Variants in TEAD4 observed in about 807,000 individuals in gnomAD.
The protein encoded by TEAD4 is TEA domain transcription factor 4.
A neutral mutation model predicts 52.4 loss-of-function variants in TEAD4; 36 were observed. That is an observed-to-expected ratio of 0.69 (90% CI 0.53 to 0.91). The LOEUF is 0.91. TEAD4 is among the 40% of genes least tolerant of loss of function. The pLI is 0.00. For synonymous variants in TEAD4, 220 were observed against 231.0 expected (o/e 0.95, Z 0.43); for missense variants, 508 against 583.9 (o/e 0.87, Z 1.34).
chr12:3,011,124 C>A, intron 4 of TEAD4, 56 bp downstream of exon 4: 1 of 1,598,382 alleles, frequency 6.3e-7, no homozygotes, highest in Non-Finnish European at 8.6e-7. Context: ...CACCAGTCTG[C>A]TCCCAAGGTG....
intron 6 of TEAD4, 25 bp downstream of exon 6, chr12:3,017,551 G>T: frequency 6.2e-7 from 1 of 1,602,946 alleles, no homozygotes. Flanking sequence ...GAGAGCTGGA[G>T]GCCAGGCCAG....
intron 10 of TEAD4, among the ~76,000 whole-genome samples, chr12:3,024,199 C>T (rs186249470): frequency 6.9e-4 from 105 of 152,054 alleles, no homozygotes; most frequent in African/African-American, 2.0e-3. Flanking sequence ...CTCAGCCTCC[C>T]GAGTAGCTGG....
chr12:2,987,650 C>T (rs2098239686), intron 2 of TEAD4, among the ~76,000 whole-genome samples: 1 of 151,334 alleles, frequency 6.6e-6, no homozygotes, highest in Non-Finnish European at 1.5e-5. Flanking sequence ...TCTCGATCTC[C>T]TGACCTCGTG....
At chr12:3,032,999 G>C (rs2098276735) in intron 10 of TEAD4, among the ~76,000 whole-genome samples, 1 of 152,206 alleles carries the variant, frequency 6.6e-6, no homozygotes, top group Non-Finnish European at 1.5e-5. Context: ...GTGTGAACTT[G>C]GCCACACACA....
intron 8 of TEAD4, 92 bp downstream of exon 8, chr12:3,019,262 C>G (rs2098266903): frequency 7.0e-7 from 1 of 1,419,422 alleles, no homozygotes; most frequent in Non-Finnish European, 9.8e-7. Flanking sequence ...CCTGCGTGTC[C>G]CTGTTAGATG....
intron 2 of TEAD4, among the ~76,000 whole-genome samples, chr12:2,974,759 G>T (rs74057728): frequency 7.4e-4 from 112 of 152,248 alleles, no homozygotes; most frequent in African/African-American, 2.5e-3. Context: ...TGCCCGTGCT[G>T]CTTGGACACC....
At chr12:3,038,560 C>T (rs1436429740) in intron 11 of TEAD4, among the ~76,000 whole-genome samples, 2 of 152,216 alleles carry the variant, frequency 1.3e-5, no homozygotes, top group Non-Finnish European at 2.9e-5. Flanking sequence ...TAAAACTGTT[C>T]CTTCCCTGAT....
rs924701630 is a variant in TEAD4 at position 3,032,639 on chromosome 12, C to T, written c.898-5329C>T. 2.0e-5 allele frequency among the ~76,000 whole-genome samples: 3 copies of T among 152,166 alleles called. 1 individual carries two copies. The highest frequency in any genetic ancestry group is 4.1e-4 in the South Asian group (2 of 4,830). Reference sequence around the variant, plus strand: ...CCAGGGGCTGTGTCGCTGAAGACCCCGTGTATGTGGCCGGCTGGTACTGAG... The same window carrying T: ...CCAGGGGCTGTGTCGCTGAAGACCCTGTGTATGTGGCCGGCTGGTACTGAG... On this transcript the variant is annotated intron_variant, in intron 10 of 12. Coordinates refer to ENST00000359864, the MANE Select transcript of TEAD4 (RefSeq NM_003213.4).
chr12:3,032,888 G>A (rs545534357), intron 10 of TEAD4, among the ~76,000 whole-genome samples: 1 of 152,346 alleles, frequency 6.6e-6, no homozygotes, highest in East Asian at 1.9e-4. Flanking sequence ...GAGACTTTGC[G>A]TCAATCGTGG....
intron 2 of TEAD4, among the ~76,000 whole-genome samples, chr12:2,981,061 G>A (rs961288104): frequency 1.3e-5 from 2 of 152,188 alleles, no homozygotes; most frequent in Admixed American, 1.3e-4. Flanking sequence ...ATTGGAGGAA[G>A]ATGTAGTCAA....
At chr12:3,006,553 C>T (rs947991934) in intron 3 of TEAD4, among the ~76,000 whole-genome samples, 2 of 151,842 alleles carry the variant, frequency 1.3e-5, no homozygotes, top group South Asian at 2.1e-4. Context: ...ATTAGCTGGG[C>T]GTTGCCTGTA....
chr12:3,020,814 C>A, intron 9 of TEAD4, 41 bp downstream of exon 9: 1 of 1,500,208 alleles, frequency 6.7e-7, no homozygotes. Context: ...CTGGTCACCC[C>A]CTCTCCCTCT....
At chr12:3,018,967 G>T in intron 7 of TEAD4, 148 bp from the exon 8 acceptor site, 1 of 945,132 alleles carries the variant, frequency 1.1e-6, no homozygotes, top group Non-Finnish European at 1.6e-6. Context: ...AGGGGAGTCG[G>T]CAGGGGCGGG....
intron 10 of TEAD4, among the ~76,000 whole-genome samples, chr12:3,036,593 T>C (rs1186976663): frequency 1.3e-5 from 2 of 152,196 alleles, no homozygotes; most frequent in Non-Finnish European, 2.9e-5. Context: ...ACTGCATTCG[T>C]AGGGCTGCGC....
At chr12:2,968,283 T>A (rs2098222136) in intron 2 of TEAD4, among the ~76,000 whole-genome samples, 1 of 151,354 alleles carries the variant, frequency 6.6e-6, no homozygotes, top group African/African-American at 2.4e-5. Context: ...ATAGGGTTTT[T>A]CCATGTTGGC....
rs1163379333 is a variant in TEAD4 at position 3,012,192 on chromosome 12, T to G, written c.314T>G (p.Leu105Arg). 1 of 1,614,130 alleles carries G rather than the reference T, an allele frequency of 6.2e-7. No individual in the cohort carries two copies. The highest frequency in any genetic ancestry group is 1.7e-5 in the Admixed American group (1 of 60,024). Residue 105 changes from leucine to arginine, a missense_variant, in exon 5 of 13, where the codon CTG becomes CGG. Coordinates refer to ENST00000359864, the MANE Select transcript of TEAD4 (RefSeq NM_003213.4). The stretch of plus-strand genomic sequence containing the variant: ...CAGGTCTCCAGCCACATCCAGGTGC[T>G]GGCTCGTCGCAAAGCTCGCGAGATC...
Position 3,038,094 on chromosome 12 carries a change from G to A in TEAD4, c.1024G>A (p.Val342Met). The change falls in exon 11 of 13, where the codon GTG becomes ATG. Residue 342 changes from valine (V) to methionine (M), a missense_variant. Val to Met is a conservative substitution (Grantham distance 21, BLOSUM62 1). Transcript: ENST00000359864. ...GGTCTGCTCTTTCGGCAAGCAGGTGGTGGAGAAAGTTGAGGTAGGAGGCCA... is the reference window on the plus strand; with the variant it reads ...GGTCTGCTCTTTCGGCAAGCAGGTGATGGAGAAAGTTGAGGTAGGAGGCCA... 6.2e-7 allele frequency: 1 copy of A among 1,613,032 alleles called. No homozygotes were observed. Among genetic ancestry groups the A allele is most frequent in the Non-Finnish European group, 8.5e-7 (1 of 1,179,184 alleles).
rs550715143 is a variant in TEAD4, at chr12:2,963,499, C to T, written c.-30+3459C>T. 3.9e-5 allele frequency among the ~76,000 whole-genome samples: 6 copies of T among 152,310 alleles called. No individual in the cohort carries two copies. In the East Asian group the frequency reaches 1.2e-3, roughly 29 times the overall value. Reference sequence around the variant, plus strand: ...CTCTGAAATTGGAGCTGAACAGCTGCTGTCCAGTAAAGGGGGGTGAGGGGG... The same window carrying T: ...CTCTGAAATTGGAGCTGAACAGCTGTTGTCCAGTAAAGGGGGGTGAGGGGG... On this transcript the variant is annotated intron_variant, in intron 2 of 12. Transcript: ENST00000359864.
At chr12:2,966,911 T>C (rs2098220885) in intron 2 of TEAD4, among the ~76,000 whole-genome samples, 1 of 152,188 alleles carries the variant, frequency 6.6e-6, no homozygotes, top group Non-Finnish European at 1.5e-5. Flanking sequence ...TTCACCATGC[T>C]GGCCAGGCTG....
Sources: gnomAD v4.1 joint callset for allele counts (sites outside exome capture counted in the v4.1 genomes callset) on GRCh38, gnomAD v4.1.1 for gene constraint, MANE v1.5 for transcripts, NCBI Gene and HGNC (gene_info 2026-07-23, HGNC 2026-07-21) for gene names.